CCDC138: variants seen among roughly 807,000 people sequenced by gnomAD.
CCDC138 encodes coiled-coil domain-containing protein 138.
In CCDC138, 66 loss-of-function variants were observed where a neutral mutation model predicts 82.3. The ratio of observed to expected loss-of-function variants is 0.80; its 90% CI spans 0.66 to 0.98. CCDC138 has a LOEUF of 0.98. CCDC138 is among the 50% of genes least tolerant of loss of function. CCDC138 has a pLI of 0.00. For missense variants in CCDC138, 816 were observed against 758.9 expected (o/e 1.08, Z -0.88); for synonymous variants, 297 against 265.4 (o/e 1.12, Z -1.16).
intron 4 of CCDC138, among the ~76,000 whole-genome samples, chr2:108,792,115 G>C (rs114294028): frequency 1.8e-3 from 273 of 152,264 alleles, no homozygotes; most frequent in African/African-American, 6.2e-3. Context: ...TTGAAGTATG[G>C]ATTTCTGGGC....
chr2:108,828,413 A>G (rs377248242), intron 10 of CCDC138, among the ~76,000 whole-genome samples: 9 of 152,362 alleles, frequency 5.9e-5, no homozygotes, highest in African/African-American at 2.2e-4. Flanking sequence ...AACCATAAAA[A>G]GAACAAAGTT....
At chr2:108,877,483 TAAATA>T (rs542904684), downstream of CCDC138, among the ~76,000 whole-genome samples, 5 of 151,400 alleles carry the variant, frequency 3.3e-5, no homozygotes, top group Middle Eastern at 3.2e-3. Context: ...TAAAAATAAA[TAAATA>T]AAATAAAAAC....
At chr2:108,884,275 TG>T (rs1696371581) in intron 2 of CCDC138, 1 of 152,180 alleles carries the variant, frequency 6.6e-6, no homozygotes, top group South Asian at 2.1e-4. Context: ...GCAGGGACCA[TG>T]GTGCCTGGTC....
intron 10 of CCDC138, among the ~76,000 whole-genome samples, chr2:108,817,813 A>G (rs1233357187): frequency 6.6e-6 from 1 of 152,228 alleles, no homozygotes; most frequent in African/African-American, 2.4e-5. Context: ...GAAGTGTAAA[A>G]TAATGAATTT....
intron 13 of CCDC138, among the ~76,000 whole-genome samples, chr2:108,864,873 ATCACTTGAGCCCTGGAGTT>A (rs1694177253): frequency 6.6e-6 from 1 of 151,942 alleles, no homozygotes; most frequent in African/African-American, 2.4e-5. Context: ...TGGTGGGAGA[ATCACTTGAGCCCTGGAGTT>A]CAACGTTGTA....
At chr2:108,884,801 CTG>C (rs1476439223) in intron 2 of CCDC138, 1 of 152,210 alleles carries the variant, frequency 6.6e-6, no homozygotes, top group Non-Finnish European at 1.5e-5. Context: ...AGCCGGGCAG[CTG>C]TGAGTCCAGG....
chr2:108,866,242 G>C (rs1261585435), intron 13 of CCDC138, among the ~76,000 whole-genome samples: 1 of 152,166 alleles, frequency 6.6e-6, no homozygotes, highest in Non-Finnish European at 1.5e-5. Flanking sequence ...CATCCCTTCT[G>C]CCTCCCTTTT....
In CCDC138 at chr2:108,846,903, T is replaced by C; in HGVS notation, c.1489T>C (p.Leu497=). 1 of 1,609,636 alleles carries C rather than the reference T, an allele frequency of 6.2e-7. No individual in the cohort carries two copies. Among genetic ancestry groups the C allele is most frequent in the Non-Finnish European group, 8.5e-7 (1 of 1,176,928 alleles). ...TTTGCCATTGAGATTTTTATCAACC[T>C]TAATTGTTCTCAAAACAGTCACTCA... ...SNLPLRFLST[L]IVLKTVTQAD... is the part of the protein sequence containing the mutation. Residue 497 remains leucine, a synonymous_variant, in exon 12 of 15, where the codon TTA becomes CTA. Coordinates refer to ENST00000295124, the MANE Select transcript of CCDC138 (RefSeq NM_144978.3).
At chr2:108,878,707 CTGGGTA>C (rs1696188878), downstream of CCDC138, among the ~76,000 whole-genome samples, 1 of 152,132 alleles carries the variant, frequency 6.6e-6, no homozygotes, top group Non-Finnish European at 1.5e-5. Flanking sequence ...TAGTAAGTAT[CTGGGTA>C]AGTCTATCTT....
intron 7 of CCDC138, among the ~76,000 whole-genome samples, chr2:108,810,527 A>G (rs896218762): frequency 2.0e-5 from 3 of 152,054 alleles, no homozygotes; most frequent in Non-Finnish European, 2.9e-5. Flanking sequence ...TGGTTATGGT[A>G]TATTATCTTT....
At chr2:108,815,525 G>T (rs113708855) in intron 9 of CCDC138, among the ~76,000 whole-genome samples, 26 of 128,014 alleles carry the variant, frequency 2.0e-4, no homozygotes, top group Non-Finnish European at 3.8e-4. Flanking sequence ...GGTGTGCAGT[G>T]GTGCGATCTC....
At chr2:108,788,723 G>GAA in intron 2 of CCDC138, 129 bp from the exon 3 acceptor site, 3 of 1,277,766 alleles carry the variant, frequency 2.3e-6, no homozygotes, top group Non-Finnish European at 3.1e-6. Flanking sequence ...CCGTCTCAAA[G>GAA]AAAAAAAAAG....
rs191352172 is a variant in CCDC138 at position 108,798,310 on chromosome 2, T to G, written c.577-118T>G. 145 of 1,022,670 alleles carry G rather than the reference T, an allele frequency of 1.4e-4. 2 individuals are homozygous for G. The East Asian group carries it at 3.6e-3, about 25-fold the overall frequency. 63.3% of individuals were successfully genotyped at this position (1,022,670 alleles called of 1,614,324 possible). On this transcript the variant is annotated intron_variant, in intron 5 of 14. Coordinates refer to ENST00000295124, the MANE Select transcript of CCDC138 (RefSeq NM_144978.3). ...CTAGCTACTGTAATCCAGATTGTCC[T>G]TAGGTACCCCTGTATTCCTGAAAAC...
chr2:108,873,478 G>A lies in CCDC138; in HGVS notation c.1721G>A (p.Cys574Tyr), dbSNP rs778531365. The A allele has an allele frequency of 1.9e-6, 3 of 1,604,802 alleles. No individual in the cohort carries two copies. The highest frequency in any genetic ancestry group is 1.7e-5 in the Admixed American group (1 of 59,120). ...TCCTTGCAGCCTTTCCTGGAAGCCT[G>A]TAGCAACTCTTTATTTTTTCGTACT... is the stretch of plus-strand genomic sequence containing the variant. ...SKSLQPFLEACSNSLFFRTCS... is the reference protein window; with the variant it reads ...SKSLQPFLEAYSNSLFFRTCS... The change falls in exon 14 of 15, where the codon TGT (cysteine) becomes TAT (tyrosine). Residue 574 changes from cysteine to tyrosine, a missense_variant. Physicochemically the swap from Cys to Tyr is radical, Grantham distance 194. Transcript: ENST00000295124.
At chr2:108,863,184 A>G (rs1025359048) in intron 13 of CCDC138, among the ~76,000 whole-genome samples, 4 of 152,132 alleles carry the variant, frequency 2.6e-5, no homozygotes, top group African/African-American at 4.8e-5. Flanking sequence ...AATTTATTCA[A>G]TCGTTCTATT....
chr2:108,802,537 G>A (rs1348261265), intron 6 of CCDC138, among the ~76,000 whole-genome samples: 3 of 145,994 alleles, frequency 2.1e-5, no homozygotes, highest in African/African-American at 7.9e-5. Context: ...GGGCTGAGAC[G>A]ATAGGGTTTT....
In CCDC138 at chr2:108,816,028, GA is replaced by G. The variant is rs775372213; in HGVS notation, c.1131del (p.Glu377AspfsTer25). On this transcript the variant is annotated frameshift_variant, in exon 10 of 15. Coordinates refer to ENST00000295124, the MANE Select transcript of CCDC138 (RefSeq NM_144978.3). LOFTEE classifies it high-confidence loss of function. The part of the protein sequence containing the change: ...DHHLSKVKHE[E>X]SGMDGKKPQL... ...TCATCTTAGCAAAGTGAAACATGAA[GA>G]ATCTGGAATGGATGGTAAAAAACCA... 3 of 1,613,756 alleles carry G rather than the reference GA, an allele frequency of 1.9e-6. No homozygotes were observed. The highest frequency in any genetic ancestry group is 2.5e-6 in the Non-Finnish European group (3 of 1,179,828).
rs1443958025 is a variant in CCDC138, at chr2:108,788,049, T to G, written c.111T>G (p.Phe37Leu). Residue 37 changes from phenylalanine (F) to leucine (L), a missense_variant, in exon 2 of 15, where the codon TTT becomes TTG. Coordinates refer to ENST00000295124, the MANE Select transcript of CCDC138 (RefSeq NM_144978.3). ...SCPDEYDFSNFYQSKYKRRTL... is the reference protein window; with the variant it reads ...SCPDEYDFSNLYQSKYKRRTL... ...TTTTTTAGTATGATTTTTCAAATTT[T>G]TATCAGTCTAAGTATAAGAGAAGAA... The G allele has an allele frequency of 1.3e-6, 2 of 1,581,568 alleles. No homozygotes were observed. Among genetic ancestry groups the G allele is most frequent in the Non-Finnish European group, 1.7e-6 (2 of 1,167,714 alleles).
At chr2:108,815,137 G>A (rs1035257134) in intron 9 of CCDC138, among the ~76,000 whole-genome samples, 6 of 152,020 alleles carry the variant, frequency 3.9e-5, no homozygotes, top group African/African-American at 1.4e-4. Flanking sequence ...GGAAAAAAAT[G>A]TTCATATGTG....
Sources: gnomAD v4.1 joint callset for allele counts (sites outside exome capture counted in the v4.1 genomes callset) on GRCh38, gnomAD v4.1.1 for gene constraint, MANE v1.5 for transcripts, NCBI Gene and HGNC (gene_info 2026-07-23, HGNC 2026-07-21) for gene names.